SYCP2L: variants seen among roughly 807,000 people sequenced by gnomAD.
SYCP2L encodes the protein synaptonemal complex protein 2 like.
Under a neutral mutation model 125.8 loss-of-function variants are expected in SYCP2L, and 98 were observed. The observed-to-expected ratio is 0.78, with a 90% CI of 0.66 to 0.92. The LOEUF (loss-of-function observed/expected upper bound fraction) is 0.92, where lower values mean the gene tolerates loss of function less well. SYCP2L is among the 40% of genes least tolerant of loss of function. SYCP2L has a pLI of 0.00. For synonymous variants in SYCP2L, 317 were observed against 325.4 expected (o/e 0.97, Z 0.28); for missense variants, 842 against 936.4 (o/e 0.90, Z 1.32).
At chr6:10,927,150 G>T (rs1780912146) in intron 16 of SYCP2L, 90 bp from the exon 17 acceptor site, 1 of 1,541,778 alleles carries the variant, frequency 6.5e-7, no homozygotes, top group African/African-American at 1.4e-5. Context: ...AGGATGGAGA[G>T]GTACCAGAGG....
At position 10,930,564 on chromosome 6, in the gene SYCP2L, A is replaced by T. The variant is rs760112255; in HGVS notation, c.1633+50A>T. On this transcript the variant is annotated intron_variant, in intron 19 of 29. Transcript: ENST00000283141. ...AATCACTTTTCAAATAGTGATTTTC[A>T]AATCAGATATTTATTTTTCAGTATA... 1.3e-5 allele frequency: 21 copies of T among 1,560,264 alleles called. 1 individual carries two copies. In the Middle Eastern group the frequency reaches 2.8e-3, roughly 207 times the overall value.
intron 23 of SYCP2L, among the ~76,000 whole-genome samples, chr6:10,944,061 T>G (rs561056003): frequency 6.6e-5 from 10 of 152,316 alleles, no homozygotes; most frequent in African/African-American, 2.4e-4. Flanking sequence ...CTAGGCACAT[T>G]TTTAGGAGTA....
chr6:10,916,026 G>C (rs1780687075), intron 14 of SYCP2L, among the ~76,000 whole-genome samples: 1 of 152,108 alleles, frequency 6.6e-6, no homozygotes, highest in Non-Finnish European at 1.5e-5. Context: ...CAGGGTATCT[G>C]ATTCTTCCTG....
chr6:10,932,369 G>GT (rs1360659976), intron 20 of SYCP2L, among the ~76,000 whole-genome samples: 2 of 152,138 alleles, frequency 1.3e-5, no homozygotes, highest in Non-Finnish European at 2.9e-5. Flanking sequence ...TCAGCAGTTG[G>GT]TTTGTGTTTT....
intron 8 of SYCP2L, among the ~76,000 whole-genome samples, chr6:10,904,428 T>C (rs1056747975): frequency 6.6e-6 from 1 of 152,230 alleles, no homozygotes; most frequent in Non-Finnish European, 1.5e-5. Flanking sequence ...ATGGGTGATT[T>C]GTGAGCATGA....
intron 21 of SYCP2L, among the ~76,000 whole-genome samples, chr6:10,939,012 C>G (rs2113372768): frequency 6.6e-6 from 1 of 152,062 alleles, no homozygotes; most frequent in Middle Eastern, 3.4e-3. Context: ...CCCAGCTACT[C>G]AGGAGGCTGA....
chr6:10,902,359 T>C (rs1402923613), intron 6 of SYCP2L, among the ~76,000 whole-genome samples: 1 of 152,242 alleles, frequency 6.6e-6, no homozygotes, highest in East Asian at 1.9e-4. Context: ...GCTTGAAATA[T>C]CAATATTGCC....
chr6:10,910,089 G>A, intron 10 of SYCP2L, 59 bp from the exon 11 acceptor site: 2 of 1,425,512 alleles, frequency 1.4e-6, no homozygotes, highest in South Asian at 2.4e-5. Flanking sequence ...TGCTAAGGTA[G>A]TATTAACTAA....
At chr6:10,957,446 A>AATGGT (rs1420458136) in intron 25 of SYCP2L, among the ~76,000 whole-genome samples, 1 of 152,180 alleles carries the variant, frequency 6.6e-6, no homozygotes, top group Non-Finnish European at 1.5e-5. Context: ...AGACAACTGA[A>AATGGT]CTACCAGAAA....
At chr6:10,955,016 G>A in intron 23 of SYCP2L, 100 bp from the exon 24 acceptor site, 1 of 787,040 alleles carries the variant, frequency 1.3e-6, no homozygotes, top group Non-Finnish European at 2.2e-6. Flanking sequence ...ACAGGCAGGG[G>A]ACAAGTTTCA....
intron 2 of SYCP2L, 86 bp from the exon 3 acceptor site, chr6:10,893,781 C>A: frequency 1.4e-6 from 2 of 1,406,944 alleles, no homozygotes; most frequent in South Asian, 1.3e-5. Flanking sequence ...ACACTGAATT[C>A]TTATTGATAA....
chr6:10,899,045 A>G (rs950785335), intron 6 of SYCP2L, among the ~76,000 whole-genome samples, 197 bp downstream of exon 6: 10 of 152,222 alleles, frequency 6.6e-5, no homozygotes, highest in Non-Finnish European at 1.5e-4. Context: ...TTTGTCTGAG[A>G]AGCATTTTTA....
At chr6:10,958,960 T>G in intron 26 of SYCP2L, 85 bp downstream of exon 26, 19 of 1,135,206 alleles carry the variant, frequency 1.7e-5, no homozygotes, top group Non-Finnish European at 2.4e-5. Flanking sequence ...GCTAGGGCCC[T>G]GAGGAGTTGG....
rs376674695 is a variant in SYCP2L, at chr6:10,913,536, A to G, written c.1072+609A>G. The stretch of plus-strand genomic sequence containing the variant: ...TTTGTATATCTTTTGAGAATTGTCT[A>G]TTCATGTCCTTACCCCACTTTTGGA... On this transcript the variant is annotated intron_variant, in intron 14 of 29. Transcript: ENST00000283141. 1.6e-4 allele frequency among the ~76,000 whole-genome samples: 24 copies of G among 151,938 alleles called. No individual in the cohort carries two copies. The East Asian group carries it at 3.7e-3, about 23-fold the overall frequency.
At chr6:10,930,199 G>T in intron 18 of SYCP2L, 171 bp from the exon 19 acceptor site, 1 of 583,960 alleles carries the variant, frequency 1.7e-6, no homozygotes, top group Non-Finnish European at 2.8e-6. Flanking sequence ...ATTGACTGAT[G>T]GAATAATCCT....
At chr6:10,930,613 T>C in intron 19 of SYCP2L, 99 bp downstream of exon 19, 1 of 1,355,458 alleles carries the variant, frequency 7.4e-7, no homozygotes, top group African/African-American at 1.5e-5. Context: ...TCCAAAGAAA[T>C]ATATGATTAT....
In SYCP2L at chr6:10,891,601, T is replaced by C. The variant is rs972255028; in HGVS notation, c.78+20T>C. The C allele has an allele frequency of 2.3e-6, 3 of 1,321,190 alleles. 1 individual carries two copies. The highest frequency in any genetic ancestry group is 1.1e-6 in the Non-Finnish European group (1 of 926,448). The allele number at this position is 1,321,190 out of a possible 1,614,324, so 81.8% of individuals were successfully genotyped here. On this transcript the variant is annotated intron_variant, in intron 2 of 29. Transcript: ENST00000283141. ...TTCTGGGTAAAGATCAAGTTTCTTT[T>C]ATAATCTCTCTCTGTGTGTGTGTGT...
chr6:10,958,772 GTTA>G lies in SYCP2L; in HGVS notation c.2164-10_2164-8del. ...TAAATGTGATCATCTTGTTATTGTT[GTTA>G]TGATTTAGCTTAGGTACAGAAAGCG... On this transcript the variant is annotated splice_polypyrimidine_tract_variant and intron_variant, in intron 25 of 29. Coordinates refer to ENST00000283141, the MANE Select transcript of SYCP2L (RefSeq NM_001040274.3). The G allele has an allele frequency of 6.2e-7, 1 of 1,603,582 alleles. No homozygotes were observed. Among genetic ancestry groups the G allele is most frequent in the Non-Finnish European group, 8.5e-7 (1 of 1,176,102 alleles).
At chr6:10,916,725 C>G (rs1334681362) in intron 14 of SYCP2L, among the ~76,000 whole-genome samples, 1 of 152,202 alleles carries the variant, frequency 6.6e-6, no homozygotes, top group Non-Finnish European at 1.5e-5. Flanking sequence ...CGTGGTGGCT[C>G]ACGCCTGTAA....
Sources: allele counts gnomAD v4.1 joint callset (sites outside exome capture counted in the v4.1 genomes callset), GRCh38; gene constraint gnomAD v4.1.1; transcripts MANE v1.5; gene names NCBI Gene and HGNC (gene_info 2026-07-23, HGNC 2026-07-21).